The following ADARB2 variants were observed in gnomAD, a reference collection of about 807,000 sequenced individuals.
ADARB2 encodes inactive double-stranded RNA-specific editase B2.
A neutral mutation model predicts 62.2 loss-of-function variants in ADARB2; 25 were observed. The observed-to-expected ratio is 0.40, with a 90% confidence interval of 0.29 to 0.56. The LOEUF is 0.56. Among genes scored for constraint, ADARB2 ranks in the 20% least tolerant of loss-of-function variants. ADARB2 has a pLI of 0.43. For missense variants in ADARB2, 1,071 were observed against 1,077.4 expected (o/e 0.99, Z 0.08); for synonymous variants, 572 against 500.8 (o/e 1.14, Z -1.90).
chr10:1,494,148 G>T (rs1006651236), intron 1 of ADARB2, among the ~76,000 whole-genome samples: 4 of 152,088 alleles, frequency 2.6e-5, no homozygotes, highest in Non-Finnish European at 5.9e-5. Flanking sequence ...CTAATTTTAG[G>T]TATTCAATAG....
chr10:1,218,085 C>T (rs1830648152), intron 6 of ADARB2, among the ~76,000 whole-genome samples: 1 of 152,200 alleles, frequency 6.6e-6, no homozygotes, highest in African/African-American at 2.4e-5. Context: ...GAGTCTCGCT[C>T]TCTTACCCAG....
rs1356586649 is a variant in ADARB2, at chr10:1,222,283, T to G, written c.1514-5164A>C. On this transcript the variant is annotated intron_variant, in intron 6 of 9. Coordinates refer to ENST00000381312, the MANE Select transcript of ADARB2 (RefSeq NM_018702.4). ...TGGGGTTGTTTTTTTCTTGTAAATTTGTTTGAGTTCATTGTAGATTCTGGA... is the reference window on the plus strand; with the variant it reads ...TGGGGTTGTTTTTTTCTTGTAAATTGGTTTGAGTTCATTGTAGATTCTGGA... Among the ~76,000 whole-genome samples the G allele has an allele frequency of 4.6e-5, 7 of 152,368 alleles. No individual in the cohort carries two copies. In the East Asian group the frequency reaches 1.3e-3, roughly 29 times the overall value.
In ADARB2 at chr10:1,414,468, G is replaced by T. The variant is rs145309414; in HGVS notation, c.101-35308C>A. On this transcript the variant is annotated intron_variant, in intron 1 of 9. Coordinates refer to ENST00000381312, the MANE Select transcript of ADARB2 (RefSeq NM_018702.4). Reference sequence around the variant, plus strand: ...GTGGCTCTGGAATGTGTCTAGACTTGCTGACTCCTTGCTCCTTGCTCTCCC... The same window carrying T: ...GTGGCTCTGGAATGTGTCTAGACTTTCTGACTCCTTGCTCCTTGCTCTCCC... 5.7e-3 allele frequency among the ~76,000 whole-genome samples: 863 copies of T among 152,288 alleles called. 5 individuals carry two copies. Among genetic ancestry groups the T allele is most frequent in the Middle Eastern group, 0.014 (4 of 294 alleles).
rs113631237 is a variant in ADARB2 at position 1,348,948 on chromosome 10, A to G, written c.1077+14080T>C. Among the ~76,000 whole-genome samples, 1,260 of 152,278 alleles carry G rather than the reference A, an allele frequency of 8.3e-3. 14 individuals carry two copies. The highest frequency in any genetic ancestry group is 0.028 in the African/African-American group (1,181 of 41,546). ...AGAACGATGGAAAGAGGCCTGTGTG[A>G]CAATGGGGGAAGGAGAGAGGGCTCA... On this transcript the variant is annotated intron_variant, in intron 3 of 9. Coordinates refer to ENST00000381312, the MANE Select transcript of ADARB2 (RefSeq NM_018702.4).
At position 1,596,632 on chromosome 10, in the gene ADARB2, C is replaced by A. The variant is rs532764393; in HGVS notation, c.100+140419G>T. On this transcript the variant is annotated intron_variant, in intron 1 of 9. Coordinates refer to ENST00000381312, the MANE Select transcript of ADARB2 (RefSeq NM_018702.4). Reference sequence around the variant, plus strand: ...GGCTGGGGAGGTGCCGAGGATGGACCCGCTGGCTGAGTGGCTGAGACCAGG... The same window carrying A: ...GGCTGGGGAGGTGCCGAGGATGGACACGCTGGCTGAGTGGCTGAGACCAGG... Among the ~76,000 whole-genome samples, 81 of 152,266 alleles carry A rather than the reference C, an allele frequency of 5.3e-4. 2 individuals carry two copies. Among genetic ancestry groups the A allele is most frequent in the African/African-American group, 1.9e-3 (78 of 41,568 alleles).
chr10:1,719,963 C>A (rs572047454), intron 1 of ADARB2, among the ~76,000 whole-genome samples: 1 of 152,314 alleles, frequency 6.6e-6, no homozygotes, highest in African/African-American at 2.4e-5. Flanking sequence ...TTAGCTCAGC[C>A]AACTTTTCCA....
At chr10:1,510,121 T>TTTCTTTCC (rs1831911985) in intron 1 of ADARB2, among the ~76,000 whole-genome samples, 11 of 115,752 alleles carry the variant, frequency 9.5e-5, no homozygotes, top group Admixed American at 3.5e-4. Flanking sequence ...TCTTTCTTTC[T>TTTCTTTCC]TTCTTTCTTT....
rs568179667 is a variant in ADARB2, at chr10:1,224,795, T to G, written c.1514-7676A>C. On this transcript the variant is annotated intron_variant, in intron 6 of 9. Coordinates refer to ENST00000381312, the MANE Select transcript of ADARB2 (RefSeq NM_018702.4). Reference sequence around the variant, plus strand: ...GGTCTGAGAGACAGTTTGTTATAATTTCGGTTCTTTTACATTTGCTGAGGA... The same window carrying G: ...GGTCTGAGAGACAGTTTGTTATAATGTCGGTTCTTTTACATTTGCTGAGGA... Among the ~76,000 whole-genome samples, 121 of 152,330 alleles carry G rather than the reference T, an allele frequency of 7.9e-4. 2 individuals carry two copies. Among genetic ancestry groups the G allele is most frequent in the East Asian group, 6.6e-3 (34 of 5,190 alleles).
intron 4 of ADARB2, among the ~76,000 whole-genome samples, chr10:1,258,342 C>T (rs1476472216): frequency 1.3e-5 from 2 of 152,018 alleles, no homozygotes; most frequent in Admixed American, 6.6e-5. Flanking sequence ...CTAAATGCTC[C>T]AATTAAAAGG....
At chr10:1,585,522 T>C (rs1351325990) in intron 1 of ADARB2, among the ~76,000 whole-genome samples, 1 of 152,156 alleles carries the variant, frequency 6.6e-6, no homozygotes, top group Non-Finnish European at 1.5e-5. Context: ...TCTGCCCTAT[T>C]GCTTATGTAA....
rs376627886 is a variant in ADARB2 at position 1,187,480 on chromosome 10, A to G, written c.1865-2441T>C. ...GCCAACCACTGAGGTGCCAAGCTGC[A>G]AAGTCTGAACTCAGAGGAAAGCCTT... is the stretch of plus-strand genomic sequence containing the variant. On this transcript the variant is annotated intron_variant, in intron 8 of 9. Coordinates refer to ENST00000381312, the MANE Select transcript of ADARB2 (RefSeq NM_018702.4). Among the ~76,000 whole-genome samples the G allele has an allele frequency of 6.6e-5, 10 of 152,346 alleles. No homozygotes were observed. In the East Asian group the frequency reaches 1.2e-3, roughly 18 times the overall value.
rs74633147 is a variant in ADARB2, at chr10:1,588,357, T to G, written c.100+148694A>C. Among the ~76,000 whole-genome samples, 30 of 152,252 alleles carry G rather than the reference T, an allele frequency of 2.0e-4. 1 individual carries two copies. In the East Asian group the frequency reaches 5.8e-3, roughly 29 times the overall value. On this transcript the variant is annotated intron_variant, in intron 1 of 9. Coordinates refer to ENST00000381312, the MANE Select transcript of ADARB2 (RefSeq NM_018702.4). ...TGCAGCGGGTCCAACAAGCCTGGAT[T>G]TGGTGATCAACAAAGCCCTTCCTTG...
In ADARB2 at chr10:1,219,858, A is replaced by G. The variant is rs62634806; in HGVS notation, c.1514-2739T>C. ...GGTGATGATGATGGTGATGGTGATGATGATGGTAATGGTGGTGGTGATGAT... is the reference window on the plus strand; with the variant it reads ...GGTGATGATGATGGTGATGGTGATGGTGATGGTAATGGTGGTGGTGATGAT... On this transcript the variant is annotated intron_variant, in intron 6 of 9. Transcript: ENST00000381312. Among the ~76,000 whole-genome samples the G allele has an allele frequency of 4.3e-3, 208 of 48,196 alleles. 2 individuals are homozygous for G. The highest frequency in any genetic ancestry group is 0.012 in the Middle Eastern group (1 of 82). The allele number at this position is 48,196 out of a possible 152,430, so 31.6% of individuals were successfully genotyped here. A position where few individuals can be genotyped will look rare whatever the true frequency, so the allele number is the denominator to read the frequency against.
chr10:1,465,187 G>C (rs765237366), intron 1 of ADARB2, among the ~76,000 whole-genome samples: 1 of 152,208 alleles, frequency 6.6e-6, no homozygotes, highest in African/African-American at 2.4e-5. Context: ...AAGTTACAGG[G>C]TCGGGAGGTG....
At chr10:1,580,095 C>T (rs1209155453) in intron 1 of ADARB2, among the ~76,000 whole-genome samples, 1 of 152,196 alleles carries the variant, frequency 6.6e-6, no homozygotes, top group Non-Finnish European at 1.5e-5. Flanking sequence ...TGCTGTGTGC[C>T]AGATTTCTTT....
At chr10:1,278,295 T>C (rs1442661934) in intron 3 of ADARB2, among the ~76,000 whole-genome samples, 1 of 149,684 alleles carries the variant, frequency 6.7e-6, no homozygotes, top group Non-Finnish European at 1.5e-5. Context: ...TTTTCTTTTT[T>C]TTTTTTTAAG....
chr10:1,519,529 C>T (rs904685997), intron 1 of ADARB2, among the ~76,000 whole-genome samples: 2 of 152,270 alleles, frequency 1.3e-5, no homozygotes, highest in African/African-American at 4.8e-5. Context: ...CCTGAAGGAC[C>T]CTGCAGCTGG....
At chr10:1,219,158 A>G (rs1830659688) in intron 6 of ADARB2, among the ~76,000 whole-genome samples, 1 of 152,118 alleles carries the variant, frequency 6.6e-6, no homozygotes, top group South Asian at 2.1e-4. Flanking sequence ...GCCTCCCCAG[A>G]AGCCAAGCAG....
chr10:1,617,001 G>T (rs1833645651), intron 1 of ADARB2, among the ~76,000 whole-genome samples: 1 of 151,384 alleles, frequency 6.6e-6, no homozygotes, highest in Non-Finnish European at 1.5e-5. Context: ...GTCGCTAGAT[G>T]TTTGTGTGCC....
Sources: allele counts gnomAD v4.1 joint callset (sites outside exome capture counted in the v4.1 genomes callset), GRCh38; gene constraint gnomAD v4.1.1; transcripts MANE v1.5; gene names NCBI Gene and HGNC (gene_info 2026-07-23, HGNC 2026-07-21).